CMC2: variants seen among roughly 807,000 people sequenced by gnomAD.
CMC2 encodes COX assembly mitochondrial protein 2 homolog.
CMC2 carries 5 observed loss-of-function variants against 7.5 expected under a neutral mutation model. The observed-to-expected ratio is 0.66, with a 90% CI of 0.35 to 1.40. The LOEUF (loss-of-function observed/expected upper bound fraction) is 1.40. CMC2 is among the 40% of genes most tolerant of loss of function. The probability of loss-of-function intolerance (pLI) is 0.04; values close to 1 mark genes in which losing one functional copy is unlikely to be tolerated. For synonymous variants in CMC2, 37 were observed against 31.4 expected (o/e 1.18, Z -0.60); for missense variants, 115 against 92.3 (o/e 1.25, Z -1.01).
rs983636257 is a variant in CMC2, at chr16:80,973,090, G to C, written c.*3003C>G. The stretch of plus-strand genomic sequence containing the variant: ...ACAGATTTCACTCTGATCTACAGCA[G>C]GCTGGGGAAAGTCAGCAAGGCTGAT... On this transcript the variant is annotated 3_prime_UTR_variant, in exon 4 of 4. Transcript: ENST00000219400. 1 of 152,318 alleles carries C rather than the reference G, an allele frequency of 6.6e-6. No homozygotes were observed. The highest frequency in any genetic ancestry group is 1.5e-5 in the Non-Finnish European group (1 of 68,098). 9.4% of individuals were successfully genotyped at this position (152,318 alleles called of 1,614,324 possible). A position where few individuals can be genotyped will look rare whatever the true frequency, so the allele number is the denominator to read the frequency against.
chr16:80,978,203 G>C (rs985910361), intron 3 of CMC2: 15 of 910,774 alleles, frequency 1.6e-5, no homozygotes, highest in Non-Finnish European at 2.0e-5. Flanking sequence ...TCTAGAACAA[G>C]GAAGGATACC....
intron 3 of CMC2, among the ~76,000 whole-genome samples, chr16:80,978,719 A>G (rs573187006): frequency 2.0e-5 from 3 of 152,168 alleles, no homozygotes; most frequent in South Asian, 2.1e-4. Flanking sequence ...AAAAAGAAAA[A>G]AAAAAAGAAT....
chr16:80,983,008 A>G, intron 2 of CMC2: 1 of 187,854 alleles, frequency 5.3e-6, no homozygotes, highest in Non-Finnish European at 1.1e-5. Context: ...GTGGTTACCT[A>G]CCATTTCGGA....
chr16:80,993,272 A>G (rs1333719142), intron 2 of CMC2, among the ~76,000 whole-genome samples: 2 of 152,226 alleles, frequency 1.3e-5, no homozygotes, highest in South Asian at 2.1e-4. Context: ...GAAAAAAACA[A>G]AACAAAGTGA....
intron 1 of CMC2, chr16:80,997,705 A>G (rs1968537414): frequency 4.8e-6 from 1 of 209,214 alleles, no homozygotes; most frequent in Admixed American, 5.6e-5. Flanking sequence ...GCACTAAAGC[A>G]GAAACAGCTT....
intron 3 of CMC2, 42 bp from the exon 4 acceptor site, chr16:80,976,221 T>C: frequency 9.5e-7 from 1 of 1,049,790 alleles, no homozygotes; most frequent in South Asian, 1.4e-5. Flanking sequence ...AACAGCAGAT[T>C]ATGTCACTAT....
At position 80,973,208 on chromosome 16, in the gene CMC2, G is replaced by A. The variant is rs1452342359; in HGVS notation, c.*2885C>T. 13 of 152,252 alleles carry A rather than the reference G, an allele frequency of 8.5e-5. No individual in the cohort carries two copies. The highest frequency in any genetic ancestry group is 1.9e-4 in the East Asian group (1 of 5,200). 9.4% of individuals were successfully genotyped at this position (152,252 alleles called of 1,614,324 possible). ...GTACAGGGAGCCAGAGAATGGGGCC[G>A]GCTTGGGATGAGTTCTAGAGGCCTG... On this transcript the variant is annotated 3_prime_UTR_variant, in exon 4 of 4. Coordinates refer to ENST00000219400, the MANE Select transcript of CMC2 (RefSeq NM_020188.5).
intron 1 of CMC2, chr16:80,998,737 G>GT (rs1968624015): frequency 1.3e-5 from 2 of 152,182 alleles, no homozygotes; most frequent in South Asian, 4.1e-4. Context: ...TGGATGAAAT[G>GT]TGAGGACATT....
In CMC2 at chr16:80,976,078, G is replaced by C. The variant is rs775312252; in HGVS notation, c.*15C>G. On this transcript the variant is annotated 3_prime_UTR_variant, in exon 4 of 4. Transcript: ENST00000219400. ...TAGGTCTTCTCTCAGCCAAGGCATC[G>C]AGTGAAAATACAATTTATTTTTCGG... The C allele has an allele frequency of 6.1e-6, 9 of 1,473,774 alleles. No homozygotes were observed. The highest frequency in any genetic ancestry group is 1.4e-5 in the African/African-American group (1 of 71,838). 91.3% of individuals were successfully genotyped at this position (1,473,774 alleles called of 1,614,324 possible). A position where few individuals can be genotyped will look rare whatever the true frequency, so the allele number is the denominator to read the frequency against.
rs956808269 is a variant in CMC2 at position 80,991,796 on chromosome 16, A to C, written c.81+5518T>G. 7 of 371,428 alleles carry C rather than the reference A, an allele frequency of 1.9e-5. No homozygotes were observed. The Admixed American group carries it at 2.3e-4, about 12-fold the overall frequency. The allele number at this position is 371,428 out of a possible 1,614,324, so 23.0% of individuals were successfully genotyped here. ...GAAAACACATGATCCCAATCCAATT[A>C]TGAGGAAAACAAGACAAATTCAAAC... On this transcript the variant is annotated intron_variant, in intron 2 of 3. Coordinates refer to ENST00000219400, the MANE Select transcript of CMC2 (RefSeq NM_020188.5).
chr16:81,000,691 A>G (rs1968802551), intron 1 of CMC2, among the ~76,000 whole-genome samples: 1 of 152,184 alleles, frequency 6.6e-6, no homozygotes, highest in South Asian at 2.1e-4. Flanking sequence ...AAAAAGTCAA[A>G]AAAACACAGA....
intron 2 of CMC2, among the ~76,000 whole-genome samples, chr16:80,985,198 G>A (rs768749850): frequency 6.6e-6 from 1 of 152,168 alleles, no homozygotes; most frequent in Admixed American, 6.5e-5. Context: ...GAGACACCGA[G>A]GGGTTCCTGA....
At chr16:80,993,419 C>A (rs188515988) in intron 2 of CMC2, among the ~76,000 whole-genome samples, 2 of 152,046 alleles carry the variant, frequency 1.3e-5, no homozygotes, top group Non-Finnish European at 2.9e-5. Context: ...CTGGGGCAGC[C>A]GGAATTTGTG....
At chr16:80,985,117 T>C (rs1967422341) in intron 2 of CMC2, among the ~76,000 whole-genome samples, 1 of 152,178 alleles carries the variant, frequency 6.6e-6, no homozygotes, top group Non-Finnish European at 1.5e-5. Flanking sequence ...ACTCTCACAG[T>C]ACATAGTCAG....
In CMC2 at chr16:80,972,721, CT is replaced by C. The variant is rs1319185542; in HGVS notation, c.*3371del. On this transcript the variant is annotated 3_prime_UTR_variant, in exon 4 of 4. Transcript: ENST00000219400. Reference sequence around the variant, plus strand: ...TGGTCTCTTATGACCCAAAAGTTTACTTATCGTCTGCAAGTCCACAGTAAGG... The same window carrying C: ...TGGTCTCTTATGACCCAAAAGTTTACTATCGTCTGCAAGTCCACAGTAAGG... The C allele has an allele frequency of 3.3e-5, 5 of 152,190 alleles. No individual in the cohort carries two copies. Among genetic ancestry groups the C allele is most frequent in the African/African-American group, 1.2e-4 (5 of 41,454 alleles). The allele number at this position is 152,190 out of a possible 1,614,324, so 9.4% of individuals were successfully genotyped here. A position where few individuals can be genotyped will look rare whatever the true frequency, so the allele number is the denominator to read the frequency against.
chr16:80,991,626 G>T (rs1180372377), intron 2 of CMC2: 1 of 201,956 alleles, frequency 5.0e-6, no homozygotes, highest in African/African-American at 2.4e-5. Flanking sequence ...GGAAGACATA[G>T]TGGACCCTGT....
chr16:80,970,781 G>C lies in CMC2; in HGVS notation c.*5312C>G, dbSNP rs1911859080. ...TTACACTCCAATGTATCAGTAATAG[G>C]AAATTAGAATAAATTGGATGCAGGG... On this transcript the variant is annotated 3_prime_UTR_variant, in exon 4 of 4. Coordinates refer to ENST00000219400, the MANE Select transcript of CMC2 (RefSeq NM_020188.5). 6.6e-6 allele frequency: 1 copy of C among 152,114 alleles called. No individual in the cohort carries two copies. The highest frequency in any genetic ancestry group is 1.9e-4 in the East Asian group (1 of 5,194). The allele number at this position is 152,114 out of a possible 1,614,324, so 9.4% of individuals were successfully genotyped here. A position where few individuals can be genotyped will look rare whatever the true frequency, so the allele number is the denominator to read the frequency against.
rs374550272 is a variant in CMC2 at position 81,006,809 on chromosome 16, G to A, written c.-111C>T. On this transcript the variant is annotated 5_prime_UTR_variant, in exon 1 of 4. Coordinates refer to ENST00000219400, the MANE Select transcript of CMC2 (RefSeq NM_020188.5). Reference sequence around the variant, plus strand: ...CGCCCGACCCGAAGGCCGGCTGCTAGGGAGCAGACAGCTGAACCGCTTGCC... The same window carrying A: ...CGCCCGACCCGAAGGCCGGCTGCTAAGGAGCAGACAGCTGAACCGCTTGCC... The A allele has an allele frequency of 9.1e-6, 9 of 985,618 alleles. No individual in the cohort carries two copies. The East Asian group carries it at 7.9e-4, about 87-fold the overall frequency. The allele number at this position is 985,618 out of a possible 1,614,324, so 61.1% of individuals were successfully genotyped here.
intron 2 of CMC2, among the ~76,000 whole-genome samples, chr16:80,989,944 G>A (rs1028350108): frequency 1.3e-5 from 2 of 152,166 alleles, no homozygotes; most frequent in African/African-American, 2.4e-5. Context: ...ACTAACAACA[G>A]CTCTACTTTG....
Sources: gnomAD v4.1 joint callset for allele counts (sites outside exome capture counted in the v4.1 genomes callset) on GRCh38, gnomAD v4.1.1 for gene constraint, MANE v1.5 for transcripts, NCBI Gene and HGNC (gene_info 2026-07-23, HGNC 2026-07-21) for gene names.